The following KDM1B variants were observed in gnomAD, a reference collection of about 807,000 sequenced individuals.
The protein encoded by KDM1B is lysine demethylase 1B.
Under a neutral mutation model 107.4 loss-of-function variants are expected in KDM1B, and 63 were observed. That is an observed-to-expected ratio of 0.59 (90% CI 0.48 to 0.72). The LOEUF (loss-of-function observed/expected upper bound fraction) is 0.72. KDM1B is among the 30% of genes least tolerant of loss of function. KDM1B has a pLI of 0.00. For missense variants in KDM1B, 749 were observed against 1,020.8 expected, an observed-to-expected ratio of 0.73 and a Z score of 3.63; for synonymous variants, 363 against 363.9, an observed-to-expected ratio of 1.00 and a Z score of 0.03.
chr6:18,175,279 A>G lies in KDM1B; in HGVS notation c.534+3800A>G, dbSNP rs149133043. Among the ~76,000 whole-genome samples the G allele has an allele frequency of 2.8e-3, 431 of 152,298 alleles. 1 individual carries two copies. Among genetic ancestry groups the G allele is most frequent in the African/African-American group, 9.9e-3 (412 of 41,582 alleles). The stretch of plus-strand genomic sequence containing the variant: ...TTTCATATGTTTGTTGGCCATTTAT[A>G]TATCTACTTTGAGAATTGTCTATTC... On this transcript the variant is annotated intron_variant, in intron 7 of 21. Coordinates refer to ENST00000650836, the MANE Select transcript of KDM1B (RefSeq NM_001364614.2).
chr6:18,169,427 T>C (rs761346788), intron 6 of KDM1B, among the ~76,000 whole-genome samples: 1 of 152,062 alleles, frequency 6.6e-6, no homozygotes, highest in Non-Finnish European at 1.5e-5. Context: ...GGTTTCACCA[T>C]GTTGGCCAGG....
intron 5 of KDM1B, 80 bp downstream of exon 5, chr6:18,163,004 C>A: frequency 1.2e-6 from 1 of 843,988 alleles, no homozygotes; most frequent in Non-Finnish European, 2.1e-6. Flanking sequence ...CTGATTAAAG[C>A]TTAGTCTCGA....
chr6:18,182,889 A>G (rs1459414228), intron 7 of KDM1B, among the ~76,000 whole-genome samples: 1 of 152,084 alleles, frequency 6.6e-6, no homozygotes, highest in Non-Finnish European at 1.5e-5. Flanking sequence ...TCCTGCGTTT[A>G]ATTTAGTGCT....
In KDM1B at chr6:18,211,924, C is replaced by T. The variant is rs944985624; in HGVS notation, c.1867-564C>T. 6.3e-6 allele frequency: 1 copy of T among 158,196 alleles called. No homozygotes were observed. The highest frequency in any genetic ancestry group is 1.4e-5 in the Non-Finnish European group (1 of 73,118). 9.8% of individuals were successfully genotyped at this position (158,196 alleles called of 1,614,324 possible). A position where few individuals can be genotyped will look rare whatever the true frequency, so the allele number is the denominator to read the frequency against. ...ACTCCATAGTTAGGGCTCTTTCCTC[C>T]TCAAGTACTGCTTTTCGGGGTTTTG... On this transcript the variant is annotated intron_variant, in intron 17 of 21. Transcript: ENST00000650836. This position sits in a 1 kb window ranked among gnomAD's most constrained non-coding sequence, Gnocchi z 5.2.
At chr6:18,178,879 A>G (rs6927693) in intron 7 of KDM1B, among the ~76,000 whole-genome samples, 20,289 of 152,250 alleles carry the variant, frequency 0.13, 1,431 homozygotes, top group South Asian at 0.19. Flanking sequence ...ATGATTGTCT[A>G]CAAACCTCTT....
At position 18,192,685 on chromosome 6, in the gene KDM1B, G is replaced by A. The variant is rs79740555; in HGVS notation, c.969+1304G>A. On this transcript the variant is annotated intron_variant, in intron 10 of 21. Coordinates refer to ENST00000650836, the MANE Select transcript of KDM1B (RefSeq NM_001364614.2). Reference sequence around the variant, plus strand: ...CTTGGGACACTGAGGCAGGAGGATCGCTTGTGCCTAGGAGTTCAAGACCAG... The same window carrying A: ...CTTGGGACACTGAGGCAGGAGGATCACTTGTGCCTAGGAGTTCAAGACCAG... Among the ~76,000 whole-genome samples, 434 of 150,642 alleles carry A rather than the reference G, an allele frequency of 2.9e-3. 3 individuals are homozygous for A. The highest frequency in any genetic ancestry group is 9.4e-3 in the African/African-American group (382 of 40,826).
chr6:18,192,272 C>T (rs1288212301), intron 10 of KDM1B, among the ~76,000 whole-genome samples: 1 of 152,080 alleles, frequency 6.6e-6, no homozygotes, highest in Non-Finnish European at 1.5e-5. Context: ...CAAAAAAACC[C>T]ACAGAGATTC....
At chr6:18,157,538 TC>T (rs1335644406) in intron 2 of KDM1B, among the ~76,000 whole-genome samples, 2 of 152,166 alleles carry the variant, frequency 1.3e-5, no homozygotes, top group African/African-American at 4.8e-5. Flanking sequence ...TCATTTATGT[TC>T]CTAAACCACA....
chr6:18,174,562 C>G (rs970750051), intron 7 of KDM1B, among the ~76,000 whole-genome samples: 1 of 151,970 alleles, frequency 6.6e-6, no homozygotes, highest in Non-Finnish European at 1.5e-5. Context: ...CACCCATCAC[C>G]CGAGCAGTAT....
In KDM1B at chr6:18,171,452, C is replaced by A; in HGVS notation, c.507C>A (p.Cys169Ter). Reference sequence around the variant, plus strand: ...CACAGATAGCCAAGACTTATCGATGCGGTATGAAACCAAATACTGCTATTA... The same window carrying A: ...CACAGATAGCCAAGACTTATCGATGAGGTATGAAACCAAATACTGCTATTA... ...LTPQIAKTYR[C>*]GMKPNTAIKP... Residue 169 changes from cysteine to a stop codon, truncating the protein, a stop_gained, in exon 7 of 22, where the codon TGC becomes TGA. Coordinates refer to ENST00000650836, the MANE Select transcript of KDM1B (RefSeq NM_001364614.2). LOFTEE classifies it high-confidence loss of function. 6.2e-7 allele frequency: 1 copy of A among 1,607,290 alleles called. No individual in the cohort carries two copies. The highest frequency in any genetic ancestry group is 8.5e-7 in the Non-Finnish European group (1 of 1,173,810).
chr6:18,183,844 G>A (rs965543764), intron 7 of KDM1B, among the ~76,000 whole-genome samples: 2 of 151,816 alleles, frequency 1.3e-5, no homozygotes, highest in African/African-American at 4.8e-5. Flanking sequence ...ATGAATATAA[G>A]GGCTGTTTCT....
chr6:18,220,275 C>T (rs539379456), intron 21 of KDM1B, among the ~76,000 whole-genome samples: 4 of 152,302 alleles, frequency 2.6e-5, no homozygotes, highest in South Asian at 4.1e-4. Flanking sequence ...TAACATTGGC[C>T]GGGTGCGATG....
chr6:18,199,509 T>G (rs957014031), intron 12 of KDM1B, among the ~76,000 whole-genome samples: 2 of 152,056 alleles, frequency 1.3e-5, no homozygotes, highest in African/African-American at 4.8e-5. Flanking sequence ...AGGACTCACA[T>G]TTTCAGGTAA....
chr6:18,220,191 G>A (rs555030262), intron 21 of KDM1B, among the ~76,000 whole-genome samples: 3 of 152,224 alleles, frequency 2.0e-5, no homozygotes, highest in East Asian at 1.9e-4. Context: ...TTCCTACTTC[G>A]TTTAATATGG....
intron 17 of KDM1B, among the ~76,000 whole-genome samples, chr6:18,210,256 C>T (rs369778810): frequency 1.3e-5 from 2 of 150,882 alleles, no homozygotes; most frequent in African/African-American, 2.4e-5. Flanking sequence ...ATTGACATCT[C>T]GCTTTTATTA....
intron 7 of KDM1B, among the ~76,000 whole-genome samples, chr6:18,180,038 A>AT (rs111745055): frequency 0.19 from 23,380 of 121,774 alleles, 1,972 homozygotes; most frequent in Admixed American, 0.24. Flanking sequence ...TAATTTTTGT[A>AT]TTTTTTTTTT....
In KDM1B at chr6:18,201,136, T is replaced by C. The variant is rs9477668; in HGVS notation, c.1360-350T>C. Among the ~76,000 whole-genome samples the C allele has an allele frequency of 0.044, 6,686 of 152,164 alleles. 487 individuals carry two copies. The highest frequency in any genetic ancestry group is 0.15 in the African/African-American group (6,209 of 41,454). On this transcript the variant is annotated intron_variant, in intron 13 of 21. Transcript: ENST00000650836. The surrounding 1 kb of genome is among the most constrained non-coding windows in gnomAD (Gnocchi z 4.3). ...AATTTCAACTTCTGCTATGAGTGTT[T>C]GTGTGTTTGTGTGTTCATTTACATG...
At chr6:18,166,790 G>A (rs754110386) in intron 6 of KDM1B, among the ~76,000 whole-genome samples, 1 of 151,378 alleles carries the variant, frequency 6.6e-6, no homozygotes, top group Non-Finnish European at 1.5e-5. Flanking sequence ...GGAGTTCAAG[G>A]CTGTAGTGAG....
At chr6:18,161,565 C>A (rs1332344493) in intron 4 of KDM1B, 111 bp downstream of exon 4, 3 of 1,139,980 alleles carry the variant, frequency 2.6e-6, no homozygotes, top group South Asian at 1.5e-5. Flanking sequence ...TACTATAAGT[C>A]ATCTAATCTA....
Sources: allele counts gnomAD v4.1 joint callset (sites outside exome capture counted in the v4.1 genomes callset), GRCh38; gene constraint gnomAD v4.1.1; non-coding constraint Gnocchi (gnomAD v3.1); transcripts MANE v1.5; gene names NCBI Gene and HGNC (gene_info 2026-07-23, HGNC 2026-07-21).